NFATC3: variants seen among roughly 807,000 people sequenced by gnomAD.
The protein encoded by NFATC3 is nuclear factor of activated T-cells, cytoplasmic 3.
NFATC3 carries 46 observed loss-of-function variants against 98.6 expected under a neutral mutation model. That is an observed-to-expected ratio of 0.47 (90% CI 0.37 to 0.60). The LOEUF is 0.60. NFATC3 is among the 20% of genes least tolerant of loss of function. The pLI is 0.00. For missense variants in NFATC3, 1,256 were observed against 1,295.5 expected, an observed-to-expected ratio of 0.97 and a Z score of 0.47; for synonymous variants, 512 against 472.2, an observed-to-expected ratio of 1.08 and a Z score of -1.09.
chr16:68,226,924 GAAAAAAAAAGAAA>G lies in NFATC3; in HGVS notation c.*455_*467del, dbSNP rs2042051155. 4.7e-5 allele frequency: 4 copies of G among 85,548 alleles called. No individual in the cohort carries two copies. Among genetic ancestry groups the G allele is most frequent in the African/African-American group, 1.8e-4 (4 of 22,448 alleles). The allele number at this position is 85,548 out of a possible 1,614,324, so 5.3% of individuals were successfully genotyped here. On this transcript the variant is annotated 3_prime_UTR_variant, in exon 10 of 10. Coordinates refer to ENST00000346183, the MANE Select transcript of NFATC3 (RefSeq NM_173165.3). ...AAAAAAAAAAAAAAAAAAAAAAAAA[GAAAAAAAAAGAAA>G]AGAAAAAAAGAAAAAGAAAAAAATA...
Position 68,085,798 on chromosome 16 carries a change from C to A in NFATC3, c.103+14C>A, listed in dbSNP as rs1336071075. 2 of 1,438,110 alleles carry A rather than the reference C, an allele frequency of 1.4e-6. No homozygotes were observed. The highest frequency in any genetic ancestry group is 1.4e-5 in the South Asian group (1 of 69,276). The allele number at this position is 1,438,110 out of a possible 1,614,324, so 89.1% of individuals were successfully genotyped here. On this transcript the variant is annotated intron_variant, in intron 1 of 9. Coordinates refer to ENST00000346183, the MANE Select transcript of NFATC3 (RefSeq NM_173165.3). ...CGCGGCCTGCAGGTGGGTGCCGGGC[C>A]AGGCGGGACCGTGGAGCGACCCCGC...
intron 4 of NFATC3, among the ~76,000 whole-genome samples, chr16:68,162,235 T>A (rs1384221808): frequency 6.6e-6 from 1 of 152,238 alleles, no homozygotes; most frequent in Non-Finnish European, 1.5e-5. Flanking sequence ...AGGATGTTAC[T>A]AAACCTAAGA....
chr16:68,157,807 G>A (rs2038695630), intron 3 of NFATC3, 62 bp from the exon 4 acceptor site: 4 of 1,293,056 alleles, frequency 3.1e-6, no homozygotes, highest in Non-Finnish European at 4.4e-6. Flanking sequence ...TACTATTGTT[G>A]GCATATTGTA....
intron 1 of NFATC3, among the ~76,000 whole-genome samples, chr16:68,094,272 T>C (rs1364448015): frequency 6.6e-6 from 1 of 152,184 alleles, no homozygotes; most frequent in Non-Finnish European, 1.5e-5. Context: ...TTTGTCATCT[T>C]GCAGGCTGTT....
chr16:68,195,535 G>A (rs758381146), intron 9 of NFATC3, among the ~76,000 whole-genome samples: 2 of 152,074 alleles, frequency 1.3e-5, no homozygotes, highest in Admixed American at 6.6e-5. Context: ...CAGGCTGGGC[G>A]CAGTGGCTCA....
chr16:68,130,381 A>C (rs991820660), intron 3 of NFATC3, among the ~76,000 whole-genome samples: 2 of 152,028 alleles, frequency 1.3e-5, no homozygotes, highest in African/African-American at 4.8e-5. Flanking sequence ...TGTGGTTTTG[A>C]TTTGCATTTC....
At chr16:68,149,090 A>G (rs2038185704) in intron 3 of NFATC3, among the ~76,000 whole-genome samples, 2 of 152,130 alleles carry the variant, frequency 1.3e-5, no homozygotes, top group Admixed American at 1.3e-4. Context: ...TGCCTGTCTT[A>G]CCCTGAGAGA....
rs1003975736 is a variant in NFATC3, at chr16:68,112,563, A to G, written c.104-9424A>G. 3.3e-5 allele frequency among the ~76,000 whole-genome samples: 5 copies of G among 150,778 alleles called. No individual in the cohort carries two copies. The East Asian group carries it at 7.8e-4, about 24-fold the overall frequency. ...AGTGCTGGGATTATAGGCGTGAGCC[A>G]CTGTGCCCAGCCAGGTTCATTCTTT... On this transcript the variant is annotated intron_variant, in intron 1 of 9. Transcript: ENST00000346183.
chr16:68,170,493 TC>T (rs1189650856), intron 5 of NFATC3, among the ~76,000 whole-genome samples: 2 of 150,242 alleles, frequency 1.3e-5, no homozygotes, highest in Non-Finnish European at 3.0e-5. Context: ...TTCTGGCTGT[TC>T]TTTTTTTTTT....
intron 9 of NFATC3, among the ~76,000 whole-genome samples, chr16:68,201,354 C>G (rs983330565): frequency 1.3e-5 from 2 of 152,086 alleles, no homozygotes; most frequent in African/African-American, 4.8e-5. Context: ...ACTTTAGCCC[C>G]CCAAGTAGCA....
intron 9 of NFATC3, among the ~76,000 whole-genome samples, chr16:68,213,038 A>G (rs2041480534): frequency 7.0e-6 from 1 of 142,682 alleles, no homozygotes; most frequent in African/African-American, 2.6e-5. Flanking sequence ...TCACCTCATG[A>G]TCCACCCGCC....
chr16:68,226,403 G>C lies in NFATC3; in HGVS notation c.3160G>C (p.Gly1054Arg), dbSNP rs2042039077. The C allele has an allele frequency of 2.5e-6, 4 of 1,572,692 alleles. No individual in the cohort carries two copies. The South Asian group carries it at 3.5e-5, about 14-fold the overall frequency. Residue 1054 changes from glycine to arginine, a missense_variant, in exon 10 of 10, where the codon GGG becomes CGG. Coordinates refer to ENST00000346183, the MANE Select transcript of NFATC3 (RefSeq NM_173165.3). ...MSQISVSQGA[G>R]VSRQAPLPSP... Reference sequence around the variant, plus strand: ...CCAGATTTCTGTTTCCCAAGGAGCAGGGGTGAGCAGGCAGGCTCCCCTCCC... The same window carrying C: ...CCAGATTTCTGTTTCCCAAGGAGCACGGGTGAGCAGGCAGGCTCCCCTCCC...
intron 1 of NFATC3, among the ~76,000 whole-genome samples, chr16:68,115,646 G>A (rs1225983532): frequency 1.3e-5 from 2 of 151,960 alleles, no homozygotes; most frequent in Non-Finnish European, 2.9e-5. Flanking sequence ...GCTGGTCTTG[G>A]ACTCCTGATC....
chr16:68,188,387 G>A (rs148479799), intron 8 of NFATC3, among the ~76,000 whole-genome samples: 1,665 of 152,260 alleles, frequency 0.011, 16 homozygotes, highest in Non-Finnish European at 0.015. Context: ...AGCTGCAGCT[G>A]GGTGGCCACA....
Position 68,085,516 on chromosome 16 carries a change from A to G in NFATC3, c.-166A>G. 3.5e-6 allele frequency: 2 copies of G among 565,778 alleles called. No homozygotes were observed. 35.0% of individuals were successfully genotyped at this position (565,778 alleles called of 1,614,324 possible). ...TGCTCGGCGCGCGGCCAGCTTTCGG[A>G]ACGGAACGCTCGGCGTCGCGGGCCC... is the stretch of plus-strand genomic sequence containing the variant. On this transcript the variant is annotated 5_prime_UTR_variant, in exon 1 of 10. Coordinates refer to ENST00000346183, the MANE Select transcript of NFATC3 (RefSeq NM_173165.3).
In NFATC3 at chr16:68,198,514, T is replaced by A. The variant is rs143419090; in HGVS notation, c.3106+6739T>A. Among the ~76,000 whole-genome samples, 6 of 152,298 alleles carry A rather than the reference T, an allele frequency of 3.9e-5. 1 individual carries two copies. In the East Asian group the frequency reaches 7.7e-4, roughly 20 times the overall value. ...TCTGTAATCAAGTTTCTAGTCAGTG[T>A]GTTGAGGTTTTAGAACTGGTGTCAA... is the stretch of plus-strand genomic sequence containing the variant. On this transcript the variant is annotated intron_variant, in intron 9 of 9. Transcript: ENST00000346183.
chr16:68,102,972 T>C lies in NFATC3; in HGVS notation c.103+17188T>C, dbSNP rs561473910. The stretch of plus-strand genomic sequence containing the variant: ...CTAATGACCAGTGATGTTGAACATC[T>C]TTTCATGTGCATGTTGGTCATTTGT... On this transcript the variant is annotated intron_variant, in intron 1 of 9. Coordinates refer to ENST00000346183, the MANE Select transcript of NFATC3 (RefSeq NM_173165.3). Among the ~76,000 whole-genome samples, 6 of 152,320 alleles carry C rather than the reference T, an allele frequency of 3.9e-5. No homozygotes were observed. In the South Asian group the frequency reaches 1.2e-3, roughly 32 times the overall value.
chr16:68,214,315 C>T, intron 9 of NFATC3: 2 of 1,609,752 alleles, frequency 1.2e-6, no homozygotes, highest in Non-Finnish European at 8.5e-7. Context: ...GTGATGTTGT[C>T]TTCTTTGACA....
Position 68,226,580 on chromosome 16 carries a change from C to A in NFATC3, c.*109C>A. On this transcript the variant is annotated 3_prime_UTR_variant, in exon 10 of 10. Transcript: ENST00000346183. ...TTCAGGTCTGGGGCCAGGAGTGGGA[C>A]CCACCATTTGTGGGGAAAGTAGCAT... 1 of 1,287,548 alleles carries A rather than the reference C, an allele frequency of 7.8e-7. No homozygotes were observed. The highest frequency in any genetic ancestry group is 2.9e-4 in the Middle Eastern group (1 of 3,430). The allele number at this position is 1,287,548 out of a possible 1,614,324, so 79.8% of individuals were successfully genotyped here.
Sources: allele counts gnomAD v4.1 joint callset (sites outside exome capture counted in the v4.1 genomes callset), GRCh38; gene constraint gnomAD v4.1.1; transcripts MANE v1.5; gene names NCBI Gene and HGNC (gene_info 2026-07-23, HGNC 2026-07-21).